The following PCDHA1 variants were observed in gnomAD, a reference collection of about 807,000 sequenced individuals.
PCDHA1 encodes protocadherin alpha-1.
Under a neutral mutation model 61.3 loss-of-function variants are expected in PCDHA1, and 42 were observed. The ratio of observed to expected loss-of-function variants is 0.69; its 90% confidence interval spans 0.54 to 0.89. The LOEUF is 0.89. PCDHA1 is among the 40% of genes least tolerant of loss of function. The pLI is 0.00. For synonymous variants in PCDHA1, 610 were observed against 553.8 expected, an observed-to-expected ratio of 1.10 and a Z score of -1.43; for missense variants, 1,256 against 1,235.3, an observed-to-expected ratio of 1.02 and a Z score of -0.25.
intron 1 of PCDHA1, chr5:140,849,467 T>A: frequency 1.3e-6 from 2 of 1,589,378 alleles, no homozygotes; most frequent in South Asian, 2.2e-5. Context: ...AGGCTGTCGA[T>A]AAAGGCTTCC....
At chr5:140,816,821 T>C (rs1766001428) in intron 1 of PCDHA1, 1 of 152,126 alleles carries the variant, frequency 6.6e-6, no homozygotes. Context: ...TCTAATCTTT[T>C]TCCCTCTGTG....
In PCDHA1 at chr5:140,786,992, C is replaced by G; in HGVS notation, c.702C>G (p.Asp234Glu). The G allele has an allele frequency of 6.2e-7, 1 of 1,614,120 alleles. No homozygotes were observed. The highest frequency in any genetic ancestry group is 1.1e-5 in the South Asian group (1 of 91,064). ...TTGAGCTGCTGATCACCGTCCTCGA[C>G]GTTAATGATAACGCCCCACTGTTTG... ...GTVELLITVLDVNDNAPLFDQ... is the reference protein window; with the variant it reads ...GTVELLITVLEVNDNAPLFDQ... The change falls in exon 1 of 4, where the codon GAC (aspartate) becomes GAG (glutamate). Residue 234 changes from aspartate to glutamate, a missense_variant. Physicochemically the swap from Asp to Glu is conservative, Grantham distance 45. Coordinates refer to ENST00000504120, the MANE Select transcript of PCDHA1 (RefSeq NM_018900.4).
At chr5:140,994,036 A>G (rs1176195849) in intron 3 of PCDHA1, among the ~76,000 whole-genome samples, 1 of 152,210 alleles carries the variant, frequency 6.6e-6, no homozygotes, top group African/African-American at 2.4e-5. Flanking sequence ...AATATTAAAT[A>G]TAACACAGTC....
intron 1 of PCDHA1, chr5:140,821,989 G>C (rs2150112697): frequency 1.2e-6 from 2 of 1,614,206 alleles, no homozygotes; most frequent in South Asian, 1.1e-5. Context: ...GGGCCGCGGG[G>C]ACCTTCTGGA....
chr5:140,908,795 A>C (rs2074156138), intron 1 of PCDHA1, among the ~76,000 whole-genome samples: 1 of 152,202 alleles, frequency 6.6e-6, no homozygotes, highest in South Asian at 2.1e-4. Context: ...TCTGTACTAC[A>C]TTAAAAAGTG....
intron 1 of PCDHA1, chr5:140,875,368 T>G (rs745982019): frequency 1.3e-5 from 19 of 1,449,988 alleles, no homozygotes; most frequent in Non-Finnish European, 1.7e-5. Context: ...TGGAAAAAAT[T>G]TACTAAATAT....
Position 140,788,447 on chromosome 5 carries a change from G to T in PCDHA1, c.2157G>T (p.Thr719=), listed in dbSNP as rs891232524. 1.2e-6 allele frequency: 2 copies of T among 1,613,990 alleles called. No homozygotes were observed. Among genetic ancestry groups the T allele is most frequent in the African/African-American group, 1.3e-5 (1 of 74,930 alleles). ...SLLVLTLLLY[T]ALRCSVPPTE... The stretch of plus-strand genomic sequence containing the variant: ...TGGTGCTCACACTGCTGCTGTACAC[G>T]GCGCTGCGGTGCTCAGTGCCGCCCA... The change falls in exon 1 of 4, where the codon ACG becomes ACT. Residue 719 remains threonine (T), a synonymous_variant. Transcript: ENST00000504120.
intron 1 of PCDHA1, chr5:140,860,059 T>A (rs894082800): frequency 2.7e-5 from 4 of 150,452 alleles, no homozygotes; most frequent in African/African-American, 9.8e-5. Context: ...GAGGCCAAGG[T>A]GGGAGGATGG....
At chr5:140,803,200 C>T (rs1554122639) in intron 1 of PCDHA1, 1 of 1,613,898 alleles carries the variant, frequency 6.2e-7, no homozygotes. Flanking sequence ...GTGCTGGTGT[C>T]GCTGGTGGAG....
intron 1 of PCDHA1, chr5:140,807,031 G>T: frequency 1.1e-6 from 1 of 901,874 alleles, no homozygotes; most frequent in Non-Finnish European, 1.7e-6. Flanking sequence ...GAAGGAGGAA[G>T]AAGGGAAAAT....
At chr5:140,978,587 T>C (rs1260706970) in intron 1 of PCDHA1, among the ~76,000 whole-genome samples, 5 of 152,250 alleles carry the variant, frequency 3.3e-5, no homozygotes, top group Admixed American at 6.5e-5. Context: ...GAATGTTCCC[T>C]TAATGGGGCA....
chr5:140,918,107 C>T (rs2078522550), intron 1 of PCDHA1, among the ~76,000 whole-genome samples: 1 of 152,132 alleles, frequency 6.6e-6, no homozygotes. Flanking sequence ...AGATCTTTCA[C>T]ATCCTTGATT....
At chr5:140,934,930 C>G (rs1467115569) in intron 1 of PCDHA1, among the ~76,000 whole-genome samples, 2 of 152,102 alleles carry the variant, frequency 1.3e-5, no homozygotes, top group Non-Finnish European at 2.9e-5. Context: ...CATAAAGTTA[C>G]AAAACTAGTA....
intron 1 of PCDHA1, among the ~76,000 whole-genome samples, chr5:140,913,707 A>T (rs1355291016): frequency 6.6e-6 from 1 of 152,120 alleles, no homozygotes; most frequent in Non-Finnish European, 1.5e-5. Flanking sequence ...CAATGTAGGC[A>T]ATTACAGCTA....
At chr5:140,795,110 C>T in intron 1 of PCDHA1, 2 of 1,614,040 alleles carry the variant, frequency 1.2e-6, no homozygotes, top group Non-Finnish European at 1.7e-6. Context: ...GGCCGCATCG[C>T]GCAGGACCTG....
At chr5:140,906,757 A>G (rs554698266) in intron 1 of PCDHA1, among the ~76,000 whole-genome samples, 2 of 152,346 alleles carry the variant, frequency 1.3e-5, no homozygotes, top group South Asian at 4.1e-4. Flanking sequence ...GCATGGTAAT[A>G]CTAAGAGACA....
In PCDHA1 at chr5:140,929,414, A is replaced by G. The variant is rs1174756115; in HGVS notation, c.2395-49535A>G. The G allele has an allele frequency of 6.6e-6, 10 of 1,504,304 alleles. No individual in the cohort carries two copies. The East Asian group carries it at 1.1e-4, about 17-fold the overall frequency. 93.2% of individuals were successfully genotyped at this position (1,504,304 alleles called of 1,614,324 possible). A position where few individuals can be genotyped will look rare whatever the true frequency, so the allele number is the denominator to read the frequency against. On this transcript the variant is annotated intron_variant, in intron 1 of 3. Transcript: ENST00000504120. ...ATATTTCTTAGACAAGCCTTTCACA[A>G]CATTTCATCAATTGAACTAAACACT...
chr5:140,966,050 C>T (rs1554228018), intron 1 of PCDHA1, among the ~76,000 whole-genome samples: 3 of 152,206 alleles, frequency 2.0e-5, no homozygotes, highest in African/African-American at 7.2e-5. Context: ...TCGCCAGTAA[C>T]CCCAGAGCGC....
intron 1 of PCDHA1, chr5:140,841,270 C>T: frequency 6.5e-7 from 1 of 1,529,280 alleles, no homozygotes; most frequent in Non-Finnish European, 8.8e-7. Context: ...AAAGTACAGT[C>T]GTTCATCTTT....
Sources: allele counts gnomAD v4.1 joint callset (sites outside exome capture counted in the v4.1 genomes callset), GRCh38; gene constraint gnomAD v4.1.1; transcripts MANE v1.5; gene names NCBI Gene and HGNC (gene_info 2026-07-23, HGNC 2026-07-21).